SLC66A2: variants seen among roughly 807,000 people sequenced by gnomAD.
SLC66A2 encodes the protein PQ loop repeat containing 1.
Under a neutral mutation model 25.5 loss-of-function variants are expected in SLC66A2, and 23 were observed. The observed-to-expected ratio is 0.90, with a 90% CI of 0.65 to 1.28. The LOEUF is 1.28. Among genes scored for constraint, SLC66A2 ranks in the 50% most tolerant of loss-of-function variants. The pLI, the probability that SLC66A2 is intolerant of heterozygous loss-of-function variation, is 0.00. For missense variants in SLC66A2, 396 were observed against 373.1 expected, an observed-to-expected ratio of 1.06 and a Z score of -0.51; for synonymous variants, 193 against 166.5, an observed-to-expected ratio of 1.16 and a Z score of -1.23.
chr18:79,943,567 G>T, intron 2 of SLC66A2, 105 bp from the exon 3 acceptor site: 1 of 1,367,378 alleles, frequency 7.3e-7, no homozygotes, highest in Non-Finnish European at 1.0e-6. Context: ...GCCCACCCAC[G>T]CCGCCCCTCC....
At position 79,940,837 on chromosome 18, in the gene SLC66A2, C is replaced by T. The variant is rs747666095; in HGVS notation, c.337+2492G>A. On this transcript the variant is annotated intron_variant, in intron 3 of 5. Transcript: ENST00000397778. The surrounding 1 kb of genome is among the most constrained non-coding windows in gnomAD (Gnocchi z 4.1). ...TAAATCTTGAGAATTCTTTAACACA[C>T]ACAGCTACACCCCAGGACACAGAGC... Among the ~76,000 whole-genome samples the T allele has an allele frequency of 4.6e-5, 7 of 152,162 alleles. No homozygotes were observed. Among genetic ancestry groups the T allele is most frequent in the African/African-American group, 7.2e-5 (3 of 41,430 alleles).
chr18:79,942,328 T>TA (rs1182628707), intron 3 of SLC66A2, among the ~76,000 whole-genome samples: 1 of 152,102 alleles, frequency 6.6e-6, no homozygotes, highest in Non-Finnish European at 1.5e-5. Flanking sequence ...CCAACGACAC[T>TA]AACTGGCCCA....
chr18:79,924,063 A>C (rs941115678), intron 4 of SLC66A2, among the ~76,000 whole-genome samples: 2 of 150,386 alleles, frequency 1.3e-5, no homozygotes, highest in African/African-American at 4.9e-5. Context: ...GGCACTGGCG[A>C]GCTTAACCGT....
At chr18:79,912,936 G>C (rs1228633894) in intron 5 of SLC66A2, among the ~76,000 whole-genome samples, 2 of 152,180 alleles carry the variant, frequency 1.3e-5, no homozygotes, top group East Asian at 1.9e-4. Flanking sequence ...GTGGGTGAGG[G>C]GGGGTTCTGA....
rs1986172239 is a variant in SLC66A2 at position 79,927,999 on chromosome 18, T to C, written c.391+5970A>G. Among the ~76,000 whole-genome samples the C allele has an allele frequency of 6.6e-6, 1 of 152,176 alleles. No homozygotes were observed. The highest frequency in any genetic ancestry group is 2.1e-4 in the South Asian group (1 of 4,826). ...AGCCTTTTCCCCCCTTTACCCTAAC[T>C]GACATCTCCGGGCCCCTCATTTGCT... On this transcript the variant is annotated intron_variant, in intron 4 of 5. Transcript: ENST00000397778. The surrounding 1 kb of genome is among the most constrained non-coding windows in gnomAD (Gnocchi z 6.2).
chr18:79,947,525 G>A lies in SLC66A2; in HGVS notation c.203+3199C>T, dbSNP rs11081575. ...AACAGCTTTGGAGGCGTGAAGATTC[G>A]AACTCCACCTCTGCTCTCCCCGTCT... On this transcript the variant is annotated intron_variant, in intron 2 of 5. Transcript: ENST00000397778. 2.1e-4 allele frequency among the ~76,000 whole-genome samples: 7 copies of A among 33,744 alleles called. No homozygotes were observed. The East Asian group carries it at 4.3e-3, about 20-fold the overall frequency. The allele number at this position is 33,744 out of a possible 152,430, so 22.1% of individuals were successfully genotyped here.
intron 5 of SLC66A2, among the ~76,000 whole-genome samples, chr18:79,910,919 C>T (rs2123224271): frequency 6.6e-6 from 1 of 152,364 alleles, no homozygotes; most frequent in Middle Eastern, 3.4e-3. Context: ...CCTAGAGAGA[C>T]AGCTTTTAGC....
chr18:79,910,872 C>T (rs181021613), intron 5 of SLC66A2, among the ~76,000 whole-genome samples: 138 of 152,348 alleles, frequency 9.1e-4, no homozygotes, highest in Non-Finnish European at 8.7e-4. Flanking sequence ...AACTTTCAAA[C>T]TATCTTCAGT....
Position 79,937,469 on chromosome 18 carries a change from G to A in SLC66A2, c.338-3447C>T, listed in dbSNP as rs961294551. Among the ~76,000 whole-genome samples the A allele has an allele frequency of 6.6e-6, 1 of 152,168 alleles. No individual in the cohort carries two copies. Among genetic ancestry groups the A allele is most frequent in the African/African-American group, 2.4e-5 (1 of 41,432 alleles). ...GCACTCATCATTGCAAGATGCTAGG[G>A]AACCAACTTTGAAAACTGGTAAAGA... On this transcript the variant is annotated intron_variant, in intron 3 of 5. Transcript: ENST00000397778. The surrounding 1 kb of genome is among the most constrained non-coding windows in gnomAD (Gnocchi z 5.4).
At chr18:79,950,604 G>T in intron 2 of SLC66A2, 120 bp downstream of exon 2, 1 of 912,374 alleles carries the variant, frequency 1.1e-6, no homozygotes, top group Non-Finnish European at 1.7e-6. Context: ...CCACGGCAGA[G>T]TGGGACGCTG....
intron 2 of SLC66A2, among the ~76,000 whole-genome samples, chr18:79,948,426 G>T (rs903704654): frequency 6.6e-6 from 1 of 152,126 alleles, no homozygotes; most frequent in South Asian, 2.1e-4. Context: ...CTGCAGCCTC[G>T]AATTCCTGGG....
chr18:79,933,997 G>C lies in SLC66A2; in HGVS notation c.363C>G (p.Val121=). The part of the protein sequence containing the change: ...FTAADSKDEE[V]KVAPRRSFLD... Reference sequence around the variant, plus strand: ...GGAAGGACCGCCTGGGGGCAACCTTGACTTCTTCATCCTTGCTATCTGCAG... The same window carrying C: ...GGAAGGACCGCCTGGGGGCAACCTTCACTTCTTCATCCTTGCTATCTGCAG... The change falls in exon 4 of 6, where the codon GTC becomes GTG. Residue 121 remains valine, a synonymous_variant. Transcript: ENST00000397778. 1 of 1,612,844 alleles carries C rather than the reference G, an allele frequency of 6.2e-7. No homozygotes were observed. Among genetic ancestry groups the C allele is most frequent in the South Asian group, 1.1e-5 (1 of 90,406 alleles).
intron 5 of SLC66A2, among the ~76,000 whole-genome samples, chr18:79,912,131 A>G (rs76778318): frequency 0.014 from 113 of 8,206 alleles, no homozygotes; most frequent in African/African-American, 0.036. Flanking sequence ...GCAGGGAGGG[A>G]GTGGGAGCAG....
intron 2 of SLC66A2, 121 bp downstream of exon 2, chr18:79,950,603 A>C: frequency 1.1e-6 from 1 of 885,900 alleles, no homozygotes; most frequent in Non-Finnish European, 1.8e-6. Context: ...TCCACGGCAG[A>C]GTGGGACGCT....
intron 5 of SLC66A2, among the ~76,000 whole-genome samples, chr18:79,909,878 C>G (rs1351411744): frequency 6.5e-5 from 9 of 137,936 alleles, no homozygotes; most frequent in South Asian, 2.4e-4. Flanking sequence ...CACAGAGTCC[C>G]CAACCTTCCC....
intron 4 of SLC66A2, among the ~76,000 whole-genome samples, chr18:79,929,670 A>G (rs1986366808): frequency 1.3e-5 from 2 of 152,226 alleles, no homozygotes; most frequent in Non-Finnish European, 2.9e-5. Flanking sequence ...ATATGTTCAA[A>G]TAACTAAAGG....
At chr18:79,933,631 T>G (rs1209507454) in intron 4 of SLC66A2, among the ~76,000 whole-genome samples, 1 of 152,184 alleles carries the variant, frequency 6.6e-6, no homozygotes, top group African/African-American at 2.4e-5. Flanking sequence ...AACAATTCCA[T>G]TTACAATAGC....
intron 3 of SLC66A2, among the ~76,000 whole-genome samples, chr18:79,942,229 A>G (rs1167958161): frequency 6.6e-6 from 1 of 152,224 alleles, no homozygotes; most frequent in Non-Finnish European, 1.5e-5. Flanking sequence ...AAGGGAACAG[A>G]GCAGAGACTC....
At chr18:79,931,417 G>A (rs752366584) in intron 4 of SLC66A2, among the ~76,000 whole-genome samples, 4 of 152,000 alleles carry the variant, frequency 2.6e-5, no homozygotes, top group Admixed American at 6.6e-5. Flanking sequence ...TGACACTAAC[G>A]TCAGAAGACA....
Sources: allele counts gnomAD v4.1 joint callset (sites outside exome capture counted in the v4.1 genomes callset), GRCh38; gene constraint gnomAD v4.1.1; non-coding constraint Gnocchi (gnomAD v3.1); transcripts MANE v1.5; gene names NCBI Gene and HGNC (gene_info 2026-07-23, HGNC 2026-07-21).